Variants in FRMD4B observed in about 807,000 individuals in gnomAD.
The protein encoded by FRMD4B is FERM domain containing 4B.
A neutral mutation model predicts 141.5 loss-of-function variants in FRMD4B; 74 were observed. That is an observed-to-expected ratio of 0.52 (90% CI 0.43 to 0.63). FRMD4B has a LOEUF of 0.63. Among genes scored for constraint, FRMD4B ranks in the 30% least tolerant of loss-of-function variants. The pLI is 0.00. For synonymous variants in FRMD4B, 506 were observed against 467.9 expected, an observed-to-expected ratio of 1.08 and a Z score of -1.05; for missense variants, 1,366 against 1,253.4, an observed-to-expected ratio of 1.09 and a Z score of -1.36.
chr3:69,283,645 GA>G (rs2093654392), intron 5 of FRMD4B, among the ~76,000 whole-genome samples: 1 of 152,168 alleles, frequency 6.6e-6, no homozygotes, highest in African/African-American at 2.4e-5. Context: ...ACTAGGCAGT[GA>G]AAAATATTAC....
intron 11 of FRMD4B, among the ~76,000 whole-genome samples, chr3:69,206,766 T>C (rs909834909): frequency 1.1e-4 from 16 of 152,196 alleles, no homozygotes; most frequent in African/African-American, 2.7e-4. Flanking sequence ...AGGTACTTGA[T>C]GGCAGGGATT....
In FRMD4B at chr3:69,392,229, T is replaced by A. The variant is rs538854792; in HGVS notation, c.-1+40405A>T. On this transcript the variant is annotated intron_variant, in intron 2 of 5. Coordinates refer to the FRMD4B transcript ENST00000459638. ...TGTCTAAGCGAGTCCTAGAGGACAG[T>A]GGGGAAGTCAGAAGAGGAATCTGAA... 2.6e-5 allele frequency among the ~76,000 whole-genome samples: 4 copies of A among 152,102 alleles called. No homozygotes were observed. The South Asian group carries it at 8.3e-4, about 32-fold the overall frequency.
chr3:69,205,268 C>T (rs139589186), intron 11 of FRMD4B, among the ~76,000 whole-genome samples: 233 of 151,446 alleles, frequency 1.5e-3, no homozygotes, highest in African/African-American at 5.4e-3. Context: ...TTCTCGGGCT[C>T]GCGATCCTCT....
intron 7 of FRMD4B, among the ~76,000 whole-genome samples, chr3:69,235,176 A>G (rs2093337175): frequency 7.6e-6 from 1 of 131,222 alleles, no homozygotes; most frequent in Non-Finnish European, 1.6e-5. Flanking sequence ...AATAATAATA[A>G]TAATAATAAT....
intron 1 of FRMD4B, among the ~76,000 whole-genome samples, chr3:69,470,770 C>T (rs1705875134): frequency 6.6e-6 from 1 of 152,112 alleles, no homozygotes; most frequent in Admixed American, 6.6e-5. Flanking sequence ...AGTACTTTTT[C>T]CCCCTAGCTT....
chr3:69,318,973 A>G (rs1402309793), intron 1 of FRMD4B, among the ~76,000 whole-genome samples: 1 of 152,202 alleles, frequency 6.6e-6, no homozygotes, highest in Non-Finnish European at 1.5e-5. Flanking sequence ...GAGTTCTGTC[A>G]TCTGAGTGAG....
At chr3:69,536,294 G>T in intron 1 of FRMD4B, 1 of 635,910 alleles carries the variant, frequency 1.6e-6, no homozygotes, top group Non-Finnish European at 2.9e-6. Context: ...TCCCTGGGCT[G>T]GATTTTCCTC....
At chr3:69,516,293 A>G (rs1219636019) in intron 1 of FRMD4B, among the ~76,000 whole-genome samples, 2 of 152,196 alleles carry the variant, frequency 1.3e-5, no homozygotes, top group Non-Finnish European at 2.9e-5. Context: ...CATTTACATG[A>G]CAAAAGAGGT....
At chr3:69,262,375 G>T (rs543990692) in intron 5 of FRMD4B, among the ~76,000 whole-genome samples, 21 of 151,112 alleles carry the variant, frequency 1.4e-4, no homozygotes, top group Non-Finnish European at 2.7e-4. Context: ...AGACATGTTT[G>T]CATATGTCCA....
chr3:69,396,055 ATGT>A (rs1435739301), intron 2 of FRMD4B, among the ~76,000 whole-genome samples: 1 of 152,188 alleles, frequency 6.6e-6, no homozygotes, highest in Non-Finnish European at 1.5e-5. Context: ...TTGGCAGAAA[ATGT>A]TGGTTGTCTG....
intron 1 of FRMD4B, among the ~76,000 whole-genome samples, chr3:69,524,889 G>A (rs1023091769): frequency 1.3e-5 from 2 of 152,220 alleles, no homozygotes; most frequent in African/African-American, 4.8e-5. Flanking sequence ...ATTCCTAAAA[G>A]TGGGAGAGGA....
rs766095166 is a variant in FRMD4B at position 69,302,441 on chromosome 3, A to C, written c.324-6T>G. 4 of 1,534,284 alleles carry C rather than the reference A, an allele frequency of 2.6e-6. No homozygotes were observed. In the South Asian group the frequency reaches 4.6e-5, roughly 18 times the overall value. ...GCAGCCAGTTCTGCTGACCTCTGTG[A>C]GAGCAAAGCAAAGAAAAAGGATTCA... On this transcript the variant is annotated splice_region_variant and splice_polypyrimidine_tract_variant and intron_variant, in intron 3 of 22. Transcript: ENST00000398540.
At chr3:69,260,480 G>A (rs536008014) in intron 5 of FRMD4B, among the ~76,000 whole-genome samples, 3 of 152,314 alleles carry the variant, frequency 2.0e-5, no homozygotes, top group Admixed American at 6.5e-5. Context: ...CGTCGCGCTC[G>A]AATTCTAGCC....
chr3:69,466,079 C>A (rs750865792), intron 1 of FRMD4B, among the ~76,000 whole-genome samples: 96 of 151,542 alleles, frequency 6.3e-4, no homozygotes, highest in Non-Finnish European at 1.1e-3. Flanking sequence ...TTTTTTTTCT[C>A]ATTCTAAGTG....
intron 11 of FRMD4B, chr3:69,200,858 CTG>C (rs2107669944): frequency 2.2e-6 from 1 of 464,388 alleles, no homozygotes; most frequent in South Asian, 1.5e-5. Context: ...TGCAGCTCAG[CTG>C]TGTTTTCCTT....
At chr3:69,523,369 T>G (rs1287547878) in intron 1 of FRMD4B, among the ~76,000 whole-genome samples, 3 of 152,096 alleles carry the variant, frequency 2.0e-5, no homozygotes, top group Non-Finnish European at 1.5e-5. Context: ...CGCATAAAGC[T>G]GAAATGGTGG....
At chr3:69,485,025 A>T (rs1320388152) in intron 1 of FRMD4B, among the ~76,000 whole-genome samples, 1 of 151,918 alleles carries the variant, frequency 6.6e-6, no homozygotes, top group Non-Finnish European at 1.5e-5. Context: ...TCCCGTGACC[A>T]TCCATGGCAC....
chr3:69,327,301 C>T (rs769300411), intron 1 of FRMD4B, among the ~76,000 whole-genome samples: 3 of 152,116 alleles, frequency 2.0e-5, no homozygotes, highest in African/African-American at 4.8e-5. Flanking sequence ...TCAAGTGTAA[C>T]TTGTGTGAAG....
intron 1 of FRMD4B, among the ~76,000 whole-genome samples, chr3:69,359,673 T>C (rs1703419721): frequency 6.6e-6 from 1 of 152,066 alleles, no homozygotes; most frequent in Non-Finnish European, 1.5e-5. Context: ...AAAACAGAGA[T>C]GAAAAGAGGT....
Sources: allele counts gnomAD v4.1 joint callset (sites outside exome capture counted in the v4.1 genomes callset), GRCh38; gene constraint gnomAD v4.1.1; transcripts MANE v1.5; gene names NCBI Gene and HGNC (gene_info 2026-07-23, HGNC 2026-07-21).